The following AKAP6 variants were observed in gnomAD, a reference collection of about 807,000 sequenced individuals.
AKAP6 encodes the protein A-kinase anchoring protein 6.
In AKAP6, 58 loss-of-function variants were observed where a neutral mutation model predicts 188.5. That is an observed-to-expected ratio of 0.31 (90% CI 0.25 to 0.38). The LOEUF is 0.38. Among genes scored for constraint, AKAP6 ranks in the 10% least tolerant of loss-of-function variants. AKAP6 has a pLI of 1.00. For synonymous variants in AKAP6, 989 were observed against 998.6 expected (o/e 0.99, Z 0.18); for missense variants, 2,710 against 2,740.0 (o/e 0.99, Z 0.24).
At chr14:32,805,842 C>T (rs1243358739) in intron 12 of AKAP6, among the ~76,000 whole-genome samples, 1 of 151,952 alleles carries the variant, frequency 6.6e-6, no homozygotes, top group Non-Finnish European at 1.5e-5. Context: ...TATGTTTAGA[C>T]ATCCAGGGGG....
chr14:32,506,553 G>A (rs1450171904), intron 2 of AKAP6, among the ~76,000 whole-genome samples: 1 of 152,080 alleles, frequency 6.6e-6, no homozygotes, highest in Non-Finnish European at 1.5e-5. Flanking sequence ...ATAGAACTGT[G>A]GCTTTTGGGT....
At position 32,837,279 on chromosome 14, in the gene AKAP6, T is replaced by G. The variant is rs2034884844; in HGVS notation, c.*7474T>G. Reference sequence around the variant, plus strand: ...TAATAAGAAACAATCCTGAAATTATTAAAACATTTCTTTGTCCTTACTTAA... The same window carrying G: ...TAATAAGAAACAATCCTGAAATTATGAAAACATTTCTTTGTCCTTACTTAA... On this transcript the variant is annotated 3_prime_UTR_variant, in exon 14 of 14. Transcript: ENST00000280979. 6.6e-6 allele frequency: 1 copy of G among 152,228 alleles called. No homozygotes were observed. The highest frequency in any genetic ancestry group is 1.5e-5 in the Non-Finnish European group (1 of 68,044). 9.4% of individuals were successfully genotyped at this position (152,228 alleles called of 1,614,324 possible).
At chr14:32,697,399 A>C (rs976873315) in intron 9 of AKAP6, among the ~76,000 whole-genome samples, 2 of 152,178 alleles carry the variant, frequency 1.3e-5, no homozygotes, top group African/African-American at 4.8e-5. Flanking sequence ...CAACACAGCT[A>C]TCTAATATAT....
At chr14:32,350,833 A>C (rs1340449989) in intron 1 of AKAP6, among the ~76,000 whole-genome samples, 1 of 152,176 alleles carries the variant, frequency 6.6e-6, no homozygotes, top group African/African-American at 2.4e-5. Flanking sequence ...TTTTTTAAAA[A>C]TCAGAGGATG....
At chr14:32,592,174 A>T (rs1386605579) in intron 5 of AKAP6, among the ~76,000 whole-genome samples, 4 of 152,144 alleles carry the variant, frequency 2.6e-5, no homozygotes, top group African/African-American at 9.7e-5. Flanking sequence ...CCATGCATTC[A>T]TTTCCCTGAA....
chr14:32,788,616 C>CA (rs1350036427), intron 12 of AKAP6, among the ~76,000 whole-genome samples: 2 of 151,952 alleles, frequency 1.3e-5, no homozygotes, highest in Non-Finnish European at 2.9e-5. Flanking sequence ...GTGCAACCCC[C>CA]CCCAGGAAAC....
chr14:32,350,543 G>T (rs1395257044), intron 1 of AKAP6, among the ~76,000 whole-genome samples: 1 of 152,056 alleles, frequency 6.6e-6, no homozygotes, highest in East Asian at 1.9e-4. Flanking sequence ...ACTGCAAGAG[G>T]ACATTAATGA....
chr14:32,510,490 GTA>G (rs374452403), intron 2 of AKAP6, among the ~76,000 whole-genome samples: 6,509 of 112,872 alleles, frequency 0.058, 375 homozygotes, highest in African/African-American at 0.12. Flanking sequence ...ATATATATGT[GTA>G]TATATATATA....
chr14:32,737,110 A>C (rs1167816298), intron 11 of AKAP6, among the ~76,000 whole-genome samples: 8 of 152,172 alleles, frequency 5.3e-5, no homozygotes, highest in Non-Finnish European at 7.4e-5. Context: ...GAATCTTCAG[A>C]TCTTTTAATG....
chr14:32,751,046 A>G (rs1426907419), intron 11 of AKAP6, among the ~76,000 whole-genome samples: 1 of 152,002 alleles, frequency 6.6e-6, no homozygotes, highest in African/African-American at 2.4e-5. Flanking sequence ...TTCATTCTTT[A>G]TACTGCACTC....
intron 2 of AKAP6, among the ~76,000 whole-genome samples, chr14:32,534,454 G>A (rs1882574454): frequency 1.3e-5 from 2 of 152,128 alleles, no homozygotes; most frequent in African/African-American, 4.8e-5. Flanking sequence ...GGAAATTTGG[G>A]AACTTGTAAG....
intron 5 of AKAP6, among the ~76,000 whole-genome samples, chr14:32,581,696 T>C (rs555649065): frequency 6.6e-6 from 1 of 152,222 alleles, no homozygotes; most frequent in Non-Finnish European, 1.5e-5. Context: ...GGTGCATATA[T>C]ATTTAGGACA....
At chr14:32,347,141 C>G (rs907698264) in intron 1 of AKAP6, among the ~76,000 whole-genome samples, 1 of 152,098 alleles carries the variant, frequency 6.6e-6, no homozygotes. Flanking sequence ...ATTCTGCATC[C>G]TTTGTATGTA....
chr14:32,534,025 A>G (rs1206879704), intron 2 of AKAP6, among the ~76,000 whole-genome samples: 1 of 152,228 alleles, frequency 6.6e-6, no homozygotes, highest in Non-Finnish European at 1.5e-5. Flanking sequence ...AAGAACTAAT[A>G]TTGGAGCACT....
chr14:32,583,923 G>A lies in AKAP6; in HGVS notation c.2469+6681G>A, dbSNP rs370180149. On this transcript the variant is annotated intron_variant, in intron 5 of 13. Transcript: ENST00000280979. Reference sequence around the variant, plus strand: ...GAAAGGGAACTCCCTGACCCCTCACGATTCCCGAGGGAGGCAATGCCTCGC... The same window carrying A: ...GAAAGGGAACTCCCTGACCCCTCACAATTCCCGAGGGAGGCAATGCCTCGC... Among the ~76,000 whole-genome samples, 36 of 152,296 alleles carry A rather than the reference G, an allele frequency of 2.4e-4. No homozygotes were observed. The East Asian group carries it at 4.3e-3, about 18-fold the overall frequency.
chr14:32,399,979 T>C (rs1889028924), intron 1 of AKAP6, among the ~76,000 whole-genome samples: 1 of 152,140 alleles, frequency 6.6e-6, no homozygotes, highest in South Asian at 2.1e-4. Context: ...GTGACCTTAT[T>C]TGAGGATGTG....
At chr14:32,386,740 T>C (rs1420882775) in intron 1 of AKAP6, among the ~76,000 whole-genome samples, 1 of 152,168 alleles carries the variant, frequency 6.6e-6, no homozygotes, top group East Asian at 1.9e-4. Flanking sequence ...TAGTTTCAGG[T>C]CTTAGATTGA....
intron 1 of AKAP6, among the ~76,000 whole-genome samples, chr14:32,352,093 G>GTA (rs1368839854): frequency 0.063 from 7,155 of 114,124 alleles, 185 homozygotes; most frequent in Non-Finnish European, 0.079. Context: ...GTGTGTGTGT[G>GTA]TGTGTGTGTT....
chr14:32,547,714 C>T (rs1883262993), intron 4 of AKAP6, among the ~76,000 whole-genome samples: 3 of 151,972 alleles, frequency 2.0e-5, no homozygotes, highest in Admixed American at 2.0e-4. Context: ...AGCGGTGGCA[C>T]ACACCTGTGG....
Sources: allele counts gnomAD v4.1 joint callset (sites outside exome capture counted in the v4.1 genomes callset), GRCh38; gene constraint gnomAD v4.1.1; transcripts MANE v1.5; gene names NCBI Gene and HGNC (gene_info 2026-07-23, HGNC 2026-07-21).